Variants in LHFPL4 observed in about 807,000 individuals in gnomAD.
LHFPL4 encodes LHFPL tetraspan subfamily member 4 protein.
Under a neutral mutation model 20.0 loss-of-function variants are expected in LHFPL4, and 6 were observed. That is an observed-to-expected ratio of 0.30 (90% confidence interval 0.16 to 0.59). LHFPL4 has a LOEUF of 0.59. Ranked by LOEUF, LHFPL4 falls within the 20% of genes least tolerant of loss-of-function variation. The pLI is 0.88. For missense variants in LHFPL4, 215 were observed against 331.2 expected (o/e 0.65, Z 2.72); for synonymous variants, 129 against 143.8 (o/e 0.90, Z 0.74).
chr3:9,513,296 G>T (rs897451423), intron 2 of LHFPL4, among the ~76,000 whole-genome samples: 2 of 151,868 alleles, frequency 1.3e-5, no homozygotes, highest in Non-Finnish European at 2.9e-5. Flanking sequence ...ATAACCTTGG[G>T]TCATTTATTT....
At chr3:9,517,808 G>GTTTTTTTTTTTTTT (rs1294844205) in intron 2 of LHFPL4, among the ~76,000 whole-genome samples, 1 of 116,708 alleles carries the variant, frequency 8.6e-6, no homozygotes, top group Non-Finnish European at 1.8e-5. Flanking sequence ...TTTGTTTTTT[G>GTTTTTTTTTTTTTT]TTTTTTTTTT....
intron 2 of LHFPL4, among the ~76,000 whole-genome samples, chr3:9,547,254 G>T (rs558651345): frequency 6.6e-6 from 1 of 152,310 alleles, no homozygotes; most frequent in East Asian, 1.9e-4. Flanking sequence ...CTTCGAAAAT[G>T]CTGAGATTAC....
In LHFPL4 at chr3:9,502,155, G is replaced by T; in HGVS notation, c.*56C>A. 1 of 1,255,886 alleles carries T rather than the reference G, an allele frequency of 8.0e-7. No homozygotes were observed. Among genetic ancestry groups the T allele is most frequent in the Non-Finnish European group, 1.2e-6 (1 of 855,854 alleles). 77.8% of individuals were successfully genotyped at this position (1,255,886 alleles called of 1,614,324 possible). A position where few individuals can be genotyped will look rare whatever the true frequency, so the allele number is the denominator to read the frequency against. On this transcript the variant is annotated 3_prime_UTR_variant, in exon 4 of 4. Transcript: ENST00000287585. ...AGAGCTTGAATGGAGTGACGAGAGG[G>T]CAGAAGGCAGGACAAGCTGAGGTCA...
chr3:9,529,315 C>T (rs6778147), intron 2 of LHFPL4, among the ~76,000 whole-genome samples: 28,965 of 152,210 alleles, frequency 0.19, 3,442 homozygotes, highest in East Asian at 0.41. Flanking sequence ...ATGCGAGCCA[C>T]CGCGCCCGGC....
intron 2 of LHFPL4, among the ~76,000 whole-genome samples, chr3:9,511,061 A>G (rs549836977): frequency 7.9e-5 from 12 of 151,884 alleles, no homozygotes; most frequent in African/African-American, 2.9e-4. Flanking sequence ...TTATTAATTT[A>G]AAAAATTCAG....
At chr3:9,530,769 AC>A (rs1332494633) in intron 2 of LHFPL4, among the ~76,000 whole-genome samples, 1 of 143,700 alleles carries the variant, frequency 7.0e-6, no homozygotes, top group East Asian at 1.9e-4. Context: ...TTATTTATTT[AC>A]TTATTTTTTA....
At position 9,502,292 on chromosome 3, in the gene LHFPL4, T is replaced by G; in HGVS notation, c.663A>C (p.Val221=). Reference sequence around the variant, plus strand: ...CACCCCCGGGCCGCAACACGGAGCTTACTGTAGAGCCCACAAAATCTAAGA... The same window carrying G: ...CACCCCCGGGCCGCAACACGGAGCTGACTGTAGAGCCCACAAAATCTAAGA... ...PENKDFVGST[V]SSVLRPGGDV... is the part of the protein sequence containing the mutation. Residue 221 remains valine (V), a synonymous_variant, in exon 4 of 4, where the codon GTA becomes GTC. Coordinates refer to ENST00000287585, the MANE Select transcript of LHFPL4 (RefSeq NM_198560.3). 6.2e-7 allele frequency: 1 copy of G among 1,612,986 alleles called. No homozygotes were observed. The highest frequency in any genetic ancestry group is 8.5e-7 in the Non-Finnish European group (1 of 1,179,154).
At position 9,499,915 on chromosome 3, in the gene LHFPL4, A is replaced by AT. The variant is rs2046158464; in HGVS notation, c.*2295dup. On this transcript the variant is annotated 3_prime_UTR_variant, in exon 4 of 4. Coordinates refer to ENST00000287585, the MANE Select transcript of LHFPL4 (RefSeq NM_198560.3). Reference sequence around the variant, plus strand: ...ATTCTTGCCCCCAACCCACATCTCCATTTACCTCTTCCCCGCTCCCGAGTC... The same window carrying AT: ...ATTCTTGCCCCCAACCCACATCTCCATTTTACCTCTTCCCCGCTCCCGAGTC... 7.3e-6 allele frequency: 1 copy of AT among 136,646 alleles called. No homozygotes were observed. The highest frequency in any genetic ancestry group is 2.3e-4 in the South Asian group (1 of 4,258). The allele number at this position is 136,646 out of a possible 1,614,324, so 8.5% of individuals were successfully genotyped here.
chr3:9,523,874 G>A (rs887751581), intron 2 of LHFPL4, among the ~76,000 whole-genome samples: 2 of 151,960 alleles, frequency 1.3e-5, no homozygotes, highest in East Asian at 1.9e-4. Flanking sequence ...TTGCAAAGCA[G>A]GTCTACTGGT....
intron 2 of LHFPL4, among the ~76,000 whole-genome samples, chr3:9,550,370 G>A (rs563977214): frequency 4.6e-5 from 7 of 152,300 alleles, no homozygotes; most frequent in East Asian, 1.9e-4. Context: ...AAGGACCCCC[G>A]GCTGTAGAAC....
chr3:9,549,613 C>A (rs1372582002), intron 2 of LHFPL4, among the ~76,000 whole-genome samples: 3 of 152,216 alleles, frequency 2.0e-5, no homozygotes, highest in African/African-American at 7.2e-5. Context: ...AGGAGAATCA[C>A]TTGAACCCAG....
rs757488524 is a variant in LHFPL4, at chr3:9,552,631, G to T, written c.49C>A (p.Arg17=). The change falls in exon 2 of 4, where the codon CGG becomes AGG. Residue 17 remains arginine (R), a synonymous_variant. Transcript: ENST00000287585. ...ASKLYHEHYM[R]NSRAIGVLWA... The stretch of plus-strand genomic sequence containing the variant: ...AGCACGCCGATGGCCCGCGAGTTCC[G>T]CATGTAGTGCTCGTGGTAGAGCTTG... 13 of 1,613,540 alleles carry T rather than the reference G, an allele frequency of 8.1e-6. No individual in the cohort carries two copies. In the South Asian group the frequency reaches 1.1e-4, roughly 14 times the overall value.
chr3:9,508,334 C>T (rs981534488), intron 2 of LHFPL4, among the ~76,000 whole-genome samples: 1 of 152,184 alleles, frequency 6.6e-6, no homozygotes, highest in Non-Finnish European at 1.5e-5. Flanking sequence ...GACACTGCAG[C>T]AGGGCTCCTC....
chr3:9,532,380 A>G (rs552968691), intron 2 of LHFPL4, among the ~76,000 whole-genome samples: 1 of 151,822 alleles, frequency 6.6e-6, no homozygotes, highest in Admixed American at 6.6e-5. Context: ...TTGCTCTGTC[A>G]CCCAGGCCGG....
rs781520871 is a variant in LHFPL4, at chr3:9,506,052, G to A, written c.558C>T (p.Asn186=). The change falls in exon 3 of 4, where the codon AAC becomes AAT. Residue 186 remains asparagine (N), a synonymous_variant. Transcript: ENST00000287585. This position sits in a 1 kb window ranked among gnomAD's most constrained non-coding sequence, Gnocchi z 4.5. ...AGGCGAGGAAGGAGAGGATGAGGGC[G>A]TTGAGGATGCCGATGATGGCCAGGA... ...AYILAIIGIL[N]ALILSFLAFV... is the part of the protein sequence containing the mutation. The A allele has an allele frequency of 6.3e-5, 102 of 1,614,098 alleles. No individual in the cohort carries two copies. The highest frequency in any genetic ancestry group is 9.9e-5 in the South Asian group (9 of 91,094).
intron 2 of LHFPL4, among the ~76,000 whole-genome samples, chr3:9,527,747 C>T (rs2633807): frequency 0.54 from 81,078 of 151,010 alleles, 22,254 homozygotes; most frequent in African/African-American, 0.66. Flanking sequence ...ACTAGTGTGG[C>T]GGAATAATTT....
At chr3:9,510,431 G>A (rs2046250299) in intron 2 of LHFPL4, among the ~76,000 whole-genome samples, 1 of 119,928 alleles carries the variant, frequency 8.3e-6, no homozygotes, top group African/African-American at 3.9e-5. Context: ...AGCAAGACAT[G>A]GTTTCAAAAA....
intron 2 of LHFPL4, among the ~76,000 whole-genome samples, chr3:9,536,293 A>T (rs187283052): frequency 2.2e-3 from 330 of 152,302 alleles, no homozygotes; most frequent in Non-Finnish European, 3.7e-3. Context: ...TTATCTTACA[A>T]GGGAGACTGA....
At chr3:9,527,783 T>C (rs2046384591) in intron 2 of LHFPL4, among the ~76,000 whole-genome samples, 1 of 147,726 alleles carries the variant, frequency 6.8e-6, no homozygotes, top group Admixed American at 6.8e-5. Flanking sequence ...AAACCAATAA[T>C]TGTACAAATT....
Sources: allele counts gnomAD v4.1 joint callset (sites outside exome capture counted in the v4.1 genomes callset), GRCh38; gene constraint gnomAD v4.1.1; non-coding constraint Gnocchi (gnomAD v3.1); transcripts MANE v1.5; gene names NCBI Gene and HGNC (gene_info 2026-07-23, HGNC 2026-07-21).